Variants in PTPRD observed in about 807,000 individuals in gnomAD.
The protein encoded by PTPRD is receptor-type tyrosine-protein phosphatase delta.
PTPRD carries 34 observed loss-of-function variants against 214.5 expected under a neutral mutation model. The ratio of observed to expected loss-of-function variants is 0.16; its 90% CI spans 0.12 to 0.21. PTPRD has a LOEUF of 0.21. PTPRD is among the 10% of genes least tolerant of loss of function. PTPRD has a pLI of 1.00. For synonymous variants in PTPRD, 1,128 were observed against 845.7 expected (o/e 1.33, Z -5.79); for missense variants, 2,545 against 2,398.7 (o/e 1.06, Z -1.27).
chr9:9,192,693 A>T (rs1569560744), intron 9 of PTPRD, among the ~76,000 whole-genome samples: 1 of 152,114 alleles, frequency 6.6e-6, no homozygotes, highest in Non-Finnish European at 1.5e-5. Flanking sequence ...TTCAGAACCA[A>T]TAATGAAATA....
At chr9:8,861,717 T>C (rs2154545807) in intron 11 of PTPRD, 1 of 152,348 alleles carries the variant, frequency 6.6e-6, no homozygotes, top group African/African-American at 2.4e-5. Flanking sequence ...AATAAATTGT[T>C]GCTAATCATG....
chr9:8,670,144 G>A (rs1439665375), intron 12 of PTPRD, among the ~76,000 whole-genome samples: 1 of 151,914 alleles, frequency 6.6e-6, no homozygotes, highest in East Asian at 1.9e-4. Flanking sequence ...CTTGACTTGG[G>A]CAGGAGGAAA....
chr9:9,874,662 C>CA (rs2153722663), intron 5 of PTPRD, among the ~76,000 whole-genome samples: 1 of 152,262 alleles, frequency 6.6e-6, no homozygotes, highest in East Asian at 1.9e-4. Flanking sequence ...TGCTTTCTAT[C>CA]AAGCAATATG....
chr9:8,423,225 T>C (rs893899626), intron 35 of PTPRD, among the ~76,000 whole-genome samples: 2 of 152,200 alleles, frequency 1.3e-5, no homozygotes, highest in African/African-American at 4.8e-5. Flanking sequence ...TTCTGCCTCG[T>C]CAATCCGGCT....
At chr9:10,462,932 A>T (rs2098969004) in intron 2 of PTPRD, among the ~76,000 whole-genome samples, 1 of 150,252 alleles carries the variant, frequency 6.7e-6, no homozygotes, top group South Asian at 2.1e-4. Flanking sequence ...AAAAGAGAAC[A>T]GTTTTCCAGA....
intron 11 of PTPRD, among the ~76,000 whole-genome samples, chr9:8,952,638 G>C (rs1003786205): frequency 1.3e-5 from 2 of 151,716 alleles, no homozygotes; most frequent in Non-Finnish European, 2.9e-5. Flanking sequence ...TAATTCAACA[G>C]GTTGTAGGTA....
rs559958661 is a variant in PTPRD, at chr9:8,650,637, G to A, written c.65-13793C>T. On this transcript the variant is annotated intron_variant, in intron 12 of 45. Coordinates refer to ENST00000381196, the MANE Select transcript of PTPRD (RefSeq NM_002839.4). ...CCTATACACCAGTGTTTTTGCAAAT[G>A]AAACAGTGACTTAAAAAATATACTG... 2.6e-5 allele frequency among the ~76,000 whole-genome samples: 4 copies of A among 151,488 alleles called. No individual in the cohort carries two copies. In the East Asian group the frequency reaches 7.8e-4, roughly 29 times the overall value.
At chr9:9,943,309 G>A (rs548332036) in intron 4 of PTPRD, among the ~76,000 whole-genome samples, 3 of 152,216 alleles carry the variant, frequency 2.0e-5, no homozygotes, top group Admixed American at 6.5e-5. Flanking sequence ...GTCAGGCTCT[G>A]CTTCATTTTC....
At chr9:8,701,765 G>C (rs73427526) in intron 12 of PTPRD, among the ~76,000 whole-genome samples, 67 of 152,172 alleles carry the variant, frequency 4.4e-4, no homozygotes, top group African/African-American at 1.5e-3. Flanking sequence ...TAATCTCCCT[G>C]AATACTCTGA....
chr9:9,436,832 C>A (rs1190072878), intron 8 of PTPRD, among the ~76,000 whole-genome samples: 1 of 151,880 alleles, frequency 6.6e-6, no homozygotes. Context: ...TTCCTGGAGA[C>A]TTCAGGCTGG....
At chr9:8,440,317 TTA>T (rs1044369479) in intron 34 of PTPRD, among the ~76,000 whole-genome samples, 27 of 112,778 alleles carry the variant, frequency 2.4e-4, no homozygotes, top group African/African-American at 8.7e-4. Context: ...TAGAAATGTA[TTA>T]TTTTTTTTTT....
chr9:9,804,142 G>C (rs1017184330), intron 5 of PTPRD, among the ~76,000 whole-genome samples: 1 of 151,964 alleles, frequency 6.6e-6, no homozygotes, highest in Admixed American at 6.6e-5. Flanking sequence ...TTTTTCACTG[G>C]AATCAACTAC....
chr9:9,583,078 T>C (rs190034679), intron 7 of PTPRD, among the ~76,000 whole-genome samples: 1 of 152,214 alleles, frequency 6.6e-6, no homozygotes, highest in East Asian at 1.9e-4. Flanking sequence ...TTGGTTGTAG[T>C]GCCTTTGATA....
intron 2 of PTPRD, among the ~76,000 whole-genome samples, chr9:10,496,476 A>T (rs1380013866): frequency 2.6e-5 from 4 of 151,996 alleles, no homozygotes; most frequent in Non-Finnish European, 2.9e-5. Context: ...AATATTTGAC[A>T]TTTGCAACAT....
chr9:10,610,094 A>G (rs73398246), intron 2 of PTPRD, among the ~76,000 whole-genome samples: 9,675 of 152,208 alleles, frequency 0.064, 409 homozygotes, highest in Middle Eastern at 0.13. Flanking sequence ...ATTACTGCTG[A>G]CACTAGCAAC....
At chr9:9,823,479 T>A (rs532382924) in intron 5 of PTPRD, among the ~76,000 whole-genome samples, 13 of 152,034 alleles carry the variant, frequency 8.6e-5, no homozygotes, top group Non-Finnish European at 1.5e-4. Flanking sequence ...GGGATTACAA[T>A]TGAACATGAG....
chr9:9,019,454 C>T (rs1554630108), intron 10 of PTPRD, among the ~76,000 whole-genome samples: 1 of 152,150 alleles, frequency 6.6e-6, no homozygotes, highest in Non-Finnish European at 1.5e-5. Context: ...CCTGTTATCC[C>T]AGGACTTGGG....
intron 33 of PTPRD, among the ~76,000 whole-genome samples, chr9:8,456,780 A>G (rs533169797): frequency 6.6e-6 from 1 of 152,182 alleles, no homozygotes; most frequent in Admixed American, 6.5e-5. Flanking sequence ...CATGCAGGCT[A>G]GATTATTACC....
At chr9:9,173,134 C>A (rs1369772124) in intron 10 of PTPRD, among the ~76,000 whole-genome samples, 1 of 152,124 alleles carries the variant, frequency 6.6e-6, no homozygotes. Context: ...AGGGTCTTTG[C>A]ACCTGCTCTT....
Sources: allele counts gnomAD v4.1 joint callset (sites outside exome capture counted in the v4.1 genomes callset), GRCh38; gene constraint gnomAD v4.1.1; transcripts MANE v1.5; gene names NCBI Gene and HGNC (gene_info 2026-07-23, HGNC 2026-07-21).